The following KCTD16 variants were observed in gnomAD, a reference collection of about 807,000 sequenced individuals.
The protein encoded by KCTD16 is potassium channel tetramerization domain containing 16, also known as BTB/POZ domain-containing protein KCTD16.
Under a neutral mutation model 33.2 loss-of-function variants are expected in KCTD16, and 13 were observed. The ratio of observed to expected loss-of-function variants is 0.39; its 90% CI spans 0.25 to 0.62. The LOEUF is 0.62. KCTD16 is among the 20% of genes least tolerant of loss of function. The pLI is 0.50. For synonymous variants in KCTD16, 197 were observed against 195.3 expected, an observed-to-expected ratio of 1.01 and a Z score of -0.07; for missense variants, 441 against 525.1, an observed-to-expected ratio of 0.84 and a Z score of 1.57.
intron 3 of KCTD16, among the ~76,000 whole-genome samples, chr5:144,260,948 C>A (rs1224098034): frequency 6.6e-6 from 1 of 151,902 alleles, no homozygotes; most frequent in Admixed American, 6.6e-5. Context: ...AGGCTGGCAG[C>A]TTTCTTTGAA....
At chr5:144,360,525 G>T (rs970903449) in intron 3 of KCTD16, among the ~76,000 whole-genome samples, 1 of 151,498 alleles carries the variant, frequency 6.6e-6, no homozygotes, top group Non-Finnish European at 1.5e-5. Context: ...TCTGCCTCCC[G>T]GGTTCAAGCG....
chr5:144,306,539 A>G (rs1479164301), intron 3 of KCTD16, among the ~76,000 whole-genome samples: 1 of 152,184 alleles, frequency 6.6e-6, no homozygotes, highest in Non-Finnish European at 1.5e-5. Flanking sequence ...GGCTTCTGAG[A>G]CTGTCTTTAT....
At chr5:144,422,775 A>G (rs73296068) in intron 3 of KCTD16, among the ~76,000 whole-genome samples, 8,138 of 152,244 alleles carry the variant, frequency 0.053, 752 homozygotes, top group African/African-American at 0.19. Context: ...TTTAAGAAGC[A>G]TATCTAATGA....
intron 3 of KCTD16, among the ~76,000 whole-genome samples, chr5:144,278,774 G>T (rs1246310072): frequency 6.6e-6 from 1 of 152,068 alleles, no homozygotes; most frequent in Non-Finnish European, 1.5e-5. Context: ...TGGGATTACA[G>T]GCGTGAGCCA....
At chr5:144,429,901 GA>G (rs200072810) in intron 3 of KCTD16, among the ~76,000 whole-genome samples, 4,821 of 151,448 alleles carry the variant, frequency 0.032, 106 homozygotes, top group Middle Eastern at 0.068. Flanking sequence ...AGCAAAAGGT[GA>G]AAAAAAATTG....
intron 3 of KCTD16, among the ~76,000 whole-genome samples, chr5:144,471,993 G>A (rs943442917): frequency 1.3e-5 from 2 of 152,158 alleles, no homozygotes; most frequent in South Asian, 4.1e-4. Context: ...AATATGTAAA[G>A]AACAGACTTT....
At chr5:144,451,611 T>A (rs1753944865) in intron 3 of KCTD16, among the ~76,000 whole-genome samples, 1 of 152,208 alleles carries the variant, frequency 6.6e-6, no homozygotes, top group African/African-American at 2.4e-5. Flanking sequence ...AGTTAGGAGC[T>A]GCTAAAATAT....
At chr5:144,190,447 C>T (rs1026536714) in intron 2 of KCTD16, among the ~76,000 whole-genome samples, 2 of 152,206 alleles carry the variant, frequency 1.3e-5, no homozygotes, top group Non-Finnish European at 2.9e-5. Flanking sequence ...AAGTGTCACA[C>T]TAACAAAGCT....
At chr5:144,261,693 C>T (rs1755016649) in intron 3 of KCTD16, among the ~76,000 whole-genome samples, 1 of 152,218 alleles carries the variant, frequency 6.6e-6, no homozygotes, top group African/African-American at 2.4e-5. Flanking sequence ...TTTCACTGCA[C>T]ATCCGGGCTT....
chr5:144,195,387 G>T (rs1002201251), intron 2 of KCTD16, among the ~76,000 whole-genome samples: 1 of 152,194 alleles, frequency 6.6e-6, no homozygotes, highest in Non-Finnish European at 1.5e-5. Flanking sequence ...CTCCTTGGGG[G>T]CATCTGAGGT....
At chr5:144,469,551 G>C (rs775137225) in intron 3 of KCTD16, among the ~76,000 whole-genome samples, 1 of 152,168 alleles carries the variant, frequency 6.6e-6, no homozygotes, top group Non-Finnish European at 1.5e-5. Flanking sequence ...GGAATACTTA[G>C]TGTGCCGCAA....
chr5:144,359,342 G>T (rs1365898605), intron 3 of KCTD16, among the ~76,000 whole-genome samples: 1 of 152,116 alleles, frequency 6.6e-6, no homozygotes, highest in Non-Finnish European at 1.5e-5. Flanking sequence ...ACTCTTCAGT[G>T]GAGCCAAATT....
At chr5:144,270,319 A>G (rs534036897) in intron 3 of KCTD16, among the ~76,000 whole-genome samples, 1 of 152,072 alleles carries the variant, frequency 6.6e-6, no homozygotes, top group South Asian at 2.1e-4. Context: ...TACATATTAA[A>G]AAATAGACAT....
At chr5:144,195,711 T>C (rs1002232409) in intron 2 of KCTD16, among the ~76,000 whole-genome samples, 4 of 152,224 alleles carry the variant, frequency 2.6e-5, no homozygotes, top group African/African-American at 9.6e-5. Flanking sequence ...ATCAGCCCTG[T>C]CTGGAACAGC....
intron 3 of KCTD16, among the ~76,000 whole-genome samples, chr5:144,351,563 A>G (rs929540745): frequency 6.6e-6 from 1 of 152,174 alleles, no homozygotes. Context: ...TATATATCCA[A>G]AGGACGTGAA....
chr5:144,328,047 T>C (rs1163331827), intron 3 of KCTD16, among the ~76,000 whole-genome samples: 2 of 152,194 alleles, frequency 1.3e-5, no homozygotes, highest in East Asian at 1.9e-4. Flanking sequence ...CATCACACTA[T>C]GTATAAAAAT....
intron 3 of KCTD16, among the ~76,000 whole-genome samples, chr5:144,328,698 G>A (rs973892501): frequency 6.6e-6 from 1 of 151,886 alleles, no homozygotes; most frequent in African/African-American, 2.4e-5. Flanking sequence ...CAGGCCTCCA[G>A]TGTGTGTCCA....
chr5:144,322,790 T>C (rs1379448026), intron 3 of KCTD16, among the ~76,000 whole-genome samples: 1 of 151,910 alleles, frequency 6.6e-6, no homozygotes, highest in African/African-American at 2.4e-5. Context: ...TGAGTTTGCA[T>C]TGCTGTGCAT....
At chr5:144,284,798 AG>A (rs1755699802) in intron 3 of KCTD16, among the ~76,000 whole-genome samples, 1 of 152,236 alleles carries the variant, frequency 6.6e-6, no homozygotes, top group Admixed American at 6.5e-5. Context: ...CATTGGTTAA[AG>A]ACAAGAATTT....
Sources: allele counts gnomAD v4.1 joint callset (sites outside exome capture counted in the v4.1 genomes callset), GRCh38; gene constraint gnomAD v4.1.1; transcripts MANE v1.5; gene names NCBI Gene and HGNC (gene_info 2026-07-23, HGNC 2026-07-21).